Variants in RAB18 observed in about 807,000 individuals in gnomAD.
RAB18 encodes the protein RAB18, member RAS oncogene family, also known as ras-related protein Rab-18.
A neutral mutation model predicts 28.5 loss-of-function variants in RAB18; 10 were observed. That is an observed-to-expected ratio of 0.35 (90% CI 0.22 to 0.60). The LOEUF is 0.60. RAB18 is among the 20% of genes least tolerant of loss of function. The probability of loss-of-function intolerance (pLI) is 0.78; values close to 1 mark genes in which losing one functional copy is unlikely to be tolerated. For missense variants in RAB18, 188 were observed against 244.2 expected (o/e 0.77, Z 1.53); for synonymous variants, 93 against 86.9 (o/e 1.07, Z -0.39).
chr10:27,504,575 C>G, intron 1 of RAB18, 138 bp downstream of exon 1: 2 of 989,234 alleles, frequency 2.0e-6, no homozygotes, highest in Non-Finnish European at 3.1e-6. Flanking sequence ...TCCTCGGCCT[C>G]TGGGCCGCGC....
chr10:27,518,355 T>A (rs1025116111), intron 2 of RAB18, among the ~76,000 whole-genome samples: 1 of 152,228 alleles, frequency 6.6e-6, no homozygotes, highest in African/African-American at 2.4e-5. Flanking sequence ...ACATTCCCAC[T>A]AGCTTCATAT....
At chr10:27,537,484 AT>A (rs1834923906) in intron 6 of RAB18, among the ~76,000 whole-genome samples, 1 of 152,152 alleles carries the variant, frequency 6.6e-6, no homozygotes. Context: ...AATCAGATTA[AT>A]TGTTTAACTT....
At chr10:27,535,539 T>C (rs11015853) in intron 6 of RAB18, among the ~76,000 whole-genome samples, 4,913 of 152,140 alleles carry the variant, frequency 0.032, 249 homozygotes, top group African/African-American at 0.11. Flanking sequence ...AAGAGATGGA[T>C]TGTATTCCAA....
At chr10:27,505,153 T>G (rs543280449) in intron 1 of RAB18, 1 of 532,874 alleles carries the variant, frequency 1.9e-6, no homozygotes, top group Admixed American at 1.9e-5. Flanking sequence ...TACTTTTTCC[T>G]TGGGGAAAAT....
intron 2 of RAB18, 64 bp downstream of exon 2, chr10:27,509,994 T>C: frequency 8.0e-7 from 1 of 1,257,748 alleles, no homozygotes. Flanking sequence ...GCCTTTTTAA[T>C]CTAAATCCTT....
rs751847931 is a variant in RAB18, at chr10:27,538,106, A to G, written c.*55A>G. 6.2e-7 allele frequency: 1 copy of G among 1,602,826 alleles called. No homozygotes were observed. Among genetic ancestry groups the G allele is most frequent in the South Asian group, 1.1e-5 (1 of 90,818 alleles). ...TGATCAGATAGTGACATCTTTCTGT[A>G]TATAAACTCTTTAACTGCTATTTTA... On this transcript the variant is annotated 3_prime_UTR_variant, in exon 7 of 7. Coordinates refer to ENST00000356940, the MANE Select transcript of RAB18 (RefSeq NM_021252.5).
intron 1 of RAB18, among the ~76,000 whole-genome samples, chr10:27,507,491 G>A (rs1201444283): frequency 6.6e-6 from 1 of 151,698 alleles, no homozygotes; most frequent in East Asian, 1.9e-4. Context: ...GAACTGGAAG[G>A]GATTAGAGAG....
intron 3 of RAB18, chr10:27,531,577 G>A: frequency 7.9e-7 from 1 of 1,260,814 alleles, no homozygotes; most frequent in Non-Finnish European, 1.1e-6. Context: ...GAGCCAGATA[G>A]GAAATAGTCC....
At chr10:27,509,614 T>G (rs2138970197) in intron 1 of RAB18, among the ~76,000 whole-genome samples, 1 of 152,240 alleles carries the variant, frequency 6.6e-6, no homozygotes, top group East Asian at 1.9e-4. Flanking sequence ...AACCCCCACC[T>G]TTTGTACTTG....
intron 4 of RAB18, 72 bp downstream of exon 4, chr10:27,532,651 TA>T (rs1274065439): frequency 8.3e-7 from 1 of 1,197,968 alleles, no homozygotes; most frequent in Non-Finnish European, 1.2e-6. Flanking sequence ...CTGTGAAAGT[TA>T]ATATGTCTTT....
At chr10:27,534,592 A>G (rs1256330535) in intron 6 of RAB18, among the ~76,000 whole-genome samples, 1 of 152,222 alleles carries the variant, frequency 6.6e-6, no homozygotes, top group African/African-American at 2.4e-5. Flanking sequence ...CGAAGCCTAA[A>G]TATTTTCTAT....
Position 27,509,984 on chromosome 10 carries a change from G to A in RAB18, c.124+54G>A, listed in dbSNP as rs1162111347. 7.0e-6 allele frequency: 10 copies of A among 1,430,906 alleles called. No individual in the cohort carries two copies. The East Asian group carries it at 1.1e-4, about 16-fold the overall frequency. The allele number at this position is 1,430,906 out of a possible 1,614,324, so 88.6% of individuals were successfully genotyped here. ...AATGGCCAGTATTTTCTTGCCTTTG[G>A]CCTTTTTAATCTAAATCCTTCTACC... On this transcript the variant is annotated intron_variant, in intron 2 of 6. Transcript: ENST00000356940.
chr10:27,538,579 C>A lies in RAB18; in HGVS notation c.*528C>A. 2.2e-6 allele frequency: 1 copy of A among 454,402 alleles called. No homozygotes were observed. Among genetic ancestry groups the A allele is most frequent in the Non-Finnish European group, 4.4e-6 (1 of 226,766 alleles). 28.1% of individuals were successfully genotyped at this position (454,402 alleles called of 1,614,324 possible). A position where few individuals can be genotyped will look rare whatever the true frequency, so the allele number is the denominator to read the frequency against. ...AAAATTCTCATCACAGAATGTAGCC[C>A]AGGCCAATTTATAACTAAATCTCTA... is the stretch of plus-strand genomic sequence containing the variant. On this transcript the variant is annotated 3_prime_UTR_variant, in exon 7 of 7. Transcript: ENST00000356940.
chr10:27,504,717 G>T, intron 1 of RAB18: 1 of 673,220 alleles, frequency 1.5e-6, no homozygotes, highest in African/African-American at 1.8e-5. Context: ...CCGCCGCTCG[G>T]CCGGCAGGTT....
At chr10:27,523,859 C>T (rs1336755030) in intron 2 of RAB18, among the ~76,000 whole-genome samples, 19 of 151,954 alleles carry the variant, frequency 1.3e-4, no homozygotes, top group Admixed American at 1.2e-3. Flanking sequence ...GCGGGCGGAT[C>T]ACGAGGTCAG....
intron 1 of RAB18, among the ~76,000 whole-genome samples, chr10:27,508,191 A>G (rs1351314073): frequency 1.3e-5 from 2 of 152,186 alleles, no homozygotes. Flanking sequence ...CTACCAGGGT[A>G]CCCCTGTCTA....
chr10:27,504,446 G>A lies in RAB18; in HGVS notation c.68+9G>A. ...GGGGTGGGCAAGTCCAGGTGAGGCG[G>A]AGGTGCGGGTCGTGACGAGGGTGGC... is the stretch of plus-strand genomic sequence containing the variant. On this transcript the variant is annotated intron_variant, in intron 1 of 6. Coordinates refer to ENST00000356940, the MANE Select transcript of RAB18 (RefSeq NM_021252.5). 1.3e-6 allele frequency: 2 copies of A among 1,561,330 alleles called. No individual in the cohort carries two copies. Among genetic ancestry groups the A allele is most frequent in the Non-Finnish European group, 1.7e-6 (2 of 1,151,998 alleles).
At chr10:27,518,994 T>C (rs1191543573) in intron 2 of RAB18, among the ~76,000 whole-genome samples, 1 of 152,088 alleles carries the variant, frequency 6.6e-6, no homozygotes, top group Non-Finnish European at 1.5e-5. Context: ...CCAGTTGTGC[T>C]AACACTTAGT....
intron 1 of RAB18, chr10:27,505,077 T>C (rs753763104): frequency 9.4e-6 from 5 of 532,690 alleles, no homozygotes; most frequent in Non-Finnish European, 1.5e-5. Flanking sequence ...AAATAAAATG[T>C]AATTGTTATT....
Sources: gnomAD v4.1 joint callset for allele counts (sites outside exome capture counted in the v4.1 genomes callset) on GRCh38, gnomAD v4.1.1 for gene constraint, MANE v1.5 for transcripts, NCBI Gene and HGNC (gene_info 2026-07-23, HGNC 2026-07-21) for gene names.